The following SPAG16 variants were observed in gnomAD, a reference collection of about 807,000 sequenced individuals.
The protein encoded by SPAG16 is sperm associated antigen 16, also known as sperm-associated antigen 16 protein.
A neutral mutation model predicts 80.4 loss-of-function variants in SPAG16; 86 were observed. The observed-to-expected ratio is 1.07, with a 90% confidence interval of 0.90 to 1.28. The LOEUF is 1.28. Among genes scored for constraint, SPAG16 ranks in the 50% most tolerant of loss-of-function variants. The probability of loss-of-function intolerance (pLI) is 0.00; values close to 1 mark genes in which losing one functional copy is unlikely to be tolerated. For missense variants in SPAG16, 870 were observed against 765.3 expected (o/e 1.14, Z -1.61); for synonymous variants, 294 against 265.9 (o/e 1.11, Z -1.03).
chr2:213,888,060 A>G (rs2076632940), intron 11 of SPAG16, among the ~76,000 whole-genome samples: 1 of 151,904 alleles, frequency 6.6e-6, no homozygotes, highest in African/African-American at 2.4e-5. Flanking sequence ...TCTTTCAGAA[A>G]CACAATTCTG....
chr2:213,837,999 A>C (rs1370047982), intron 10 of SPAG16, among the ~76,000 whole-genome samples: 1 of 152,152 alleles, frequency 6.6e-6, no homozygotes, highest in African/African-American at 2.4e-5. Flanking sequence ...TCCTGTCTCC[A>C]ACGTCATATT....
At chr2:213,421,331 G>A (rs1046323455) in intron 9 of SPAG16, among the ~76,000 whole-genome samples, 4 of 152,190 alleles carry the variant, frequency 2.6e-5, no homozygotes, top group African/African-American at 7.2e-5. Flanking sequence ...CCAGTCCCCC[G>A]CCATTTGGCC....
chr2:213,721,925 G>A (rs1016176758), intron 10 of SPAG16, among the ~76,000 whole-genome samples: 7 of 152,072 alleles, frequency 4.6e-5, no homozygotes, highest in South Asian at 2.1e-4. Flanking sequence ...GTGATTAACC[G>A]ACAATCATAT....
chr2:213,297,048 C>G, intron 2 of SPAG16: 1 of 1,383,464 alleles, frequency 7.2e-7, no homozygotes, highest in Non-Finnish European at 9.5e-7. Context: ...ACAAACTAAT[C>G]CTGAATTTAT....
rs1438270366 is a variant in SPAG16, at chr2:214,147,521, C to A, written c.1594-1619C>A. ...TGTTCCCAAAATTGAAAAAAATTTCCATTCTGTGACTTCTCTCAGATCATT... is the reference window on the plus strand; with the variant it reads ...TGTTCCCAAAATTGAAAAAAATTTCAATTCTGTGACTTCTCTCAGATCATT... On this transcript the variant is annotated intron_variant, in intron 14 of 15. Coordinates refer to ENST00000331683, the MANE Select transcript of SPAG16 (RefSeq NM_024532.5). 2.0e-5 allele frequency among the ~76,000 whole-genome samples: 3 copies of A among 152,108 alleles called. No homozygotes were observed. In the South Asian group the frequency reaches 6.2e-4, roughly 31 times the overall value.
chr2:213,485,703 G>C (rs1575717436), intron 9 of SPAG16, among the ~76,000 whole-genome samples: 1 of 152,146 alleles, frequency 6.6e-6, no homozygotes, highest in East Asian at 1.9e-4. Context: ...ATGCCTGATT[G>C]AATAATTTTT....
At chr2:214,303,887 C>T (rs1384405899) in intron 15 of SPAG16, among the ~76,000 whole-genome samples, 2 of 152,064 alleles carry the variant, frequency 1.3e-5, no homozygotes, top group African/African-American at 2.4e-5. Flanking sequence ...TTCAGGGTTA[C>T]ATGTGCAGGT....
In SPAG16 at chr2:213,416,805, CAG is replaced by C. The variant is rs1424196794; in HGVS notation, c.942+41687_942+41688del. On this transcript the variant is annotated intron_variant, in intron 9 of 15. Coordinates refer to ENST00000331683, the MANE Select transcript of SPAG16 (RefSeq NM_024532.5). ...TTCATTATACTCATGATCTTAAAGA[CAG>C]GGGGCACAGTAAACCATGCTAACTG... 1.3e-4 allele frequency among the ~76,000 whole-genome samples: 20 copies of C among 152,248 alleles called. No homozygotes were observed. In the East Asian group the frequency reaches 3.5e-3, roughly 26 times the overall value.
At chr2:214,168,996 G>T (rs1205177546) in intron 15 of SPAG16, among the ~76,000 whole-genome samples, 1 of 152,006 alleles carries the variant, frequency 6.6e-6, no homozygotes, top group Admixed American at 6.6e-5. Flanking sequence ...ATTTTATGTT[G>T]TTTCCAAAAC....
chr2:213,845,564 C>A (rs1372692766), intron 10 of SPAG16, among the ~76,000 whole-genome samples: 1 of 152,144 alleles, frequency 6.6e-6, no homozygotes, highest in Non-Finnish European at 1.5e-5. Context: ...CGAAGAATTT[C>A]TTCTTTCAAC....
chr2:213,294,339 T>G (rs544081917), intron 1 of SPAG16, among the ~76,000 whole-genome samples: 103 of 152,296 alleles, frequency 6.8e-4, no homozygotes, highest in African/African-American at 2.4e-3. Context: ...TCGAACAGAT[T>G]GCTAGTAGAA....
chr2:213,840,080 G>A (rs935384513), intron 10 of SPAG16, among the ~76,000 whole-genome samples: 2 of 152,146 alleles, frequency 1.3e-5, no homozygotes, highest in Non-Finnish European at 2.9e-5. Context: ...TTTCTGAAAA[G>A]CAGATGTATA....
intron 13 of SPAG16, among the ~76,000 whole-genome samples, chr2:214,019,139 G>A (rs558382970): frequency 6.6e-6 from 1 of 152,156 alleles, no homozygotes; most frequent in South Asian, 2.1e-4. Context: ...ATATCACATA[G>A]CAAACTGAAT....
intron 10 of SPAG16, among the ~76,000 whole-genome samples, chr2:213,556,737 C>A (rs2059438814): frequency 6.6e-6 from 1 of 152,076 alleles, no homozygotes; most frequent in African/African-American, 2.4e-5. Flanking sequence ...ACTCTTTAGA[C>A]CAAATGGACA....
At chr2:213,982,001 C>G (rs1217658312) in intron 12 of SPAG16, among the ~76,000 whole-genome samples, 2 of 151,146 alleles carry the variant, frequency 1.3e-5, no homozygotes, top group Non-Finnish European at 2.9e-5. Flanking sequence ...GAGCTTACAA[C>G]AGAGACATAG....
At chr2:214,254,585 T>G (rs1488858700) in intron 15 of SPAG16, among the ~76,000 whole-genome samples, 1 of 151,958 alleles carries the variant, frequency 6.6e-6, no homozygotes, top group Non-Finnish European at 1.5e-5. Flanking sequence ...ATAGCCAAAT[T>G]AGGAAAAAGG....
chr2:214,346,319 C>G (rs571373491), intron 15 of SPAG16, among the ~76,000 whole-genome samples: 1 of 152,152 alleles, frequency 6.6e-6, no homozygotes, highest in South Asian at 2.1e-4. Flanking sequence ...ATGTTCATTT[C>G]TCTTATGACT....
At chr2:214,203,792 A>T (rs1408504254) in intron 15 of SPAG16, among the ~76,000 whole-genome samples, 1 of 152,150 alleles carries the variant, frequency 6.6e-6, no homozygotes, top group Non-Finnish European at 1.5e-5. Flanking sequence ...CTTCGTAACA[A>T]TTTCAACCAA....
At chr2:213,985,021 T>A (rs1043059322) in intron 12 of SPAG16, among the ~76,000 whole-genome samples, 1 of 152,128 alleles carries the variant, frequency 6.6e-6, no homozygotes, top group Non-Finnish European at 1.5e-5. Flanking sequence ...AGTTTAAGCA[T>A]GTCTTAAATA....
Sources: gnomAD v4.1 joint callset for allele counts (sites outside exome capture counted in the v4.1 genomes callset) on GRCh38, gnomAD v4.1.1 for gene constraint, MANE v1.5 for transcripts, NCBI Gene and HGNC (gene_info 2026-07-23, HGNC 2026-07-21) for gene names.